Variants in MACF1 observed in about 807,000 individuals in gnomAD.
MACF1 encodes the protein microtubule actin crosslinking factor 1, also known as microtubule-actin cross-linking factor 1.
Under a neutral mutation model 854.8 loss-of-function variants are expected in MACF1, and 193 were observed. The observed-to-expected ratio is 0.23, with a 90% CI of 0.20 to 0.25. The LOEUF is 0.25. Among genes scored for constraint, MACF1 ranks in the 10% least tolerant of loss-of-function variants. MACF1 has a pLI of 1.00. For synonymous variants in MACF1, 3,185 were observed against 3,226.7 expected (o/e 0.99, Z 0.44); for missense variants, 7,722 against 8,929.1 (o/e 0.86, Z 5.45).
chr1:39,331,096 A>C, intron 36 of MACF1, 107 bp from the exon 37 acceptor site: 1 of 1,409,960 alleles, frequency 7.1e-7, no homozygotes. Context: ...TGTATACTAT[A>C]GTTCTTTGAA....
intron 60 of MACF1, 65 bp from the exon 61 acceptor site, chr1:39,423,963 T>TC (rs1643642244): frequency 8.5e-6 from 12 of 1,409,732 alleles, no homozygotes; most frequent in Non-Finnish European, 1.2e-5. Flanking sequence ...TTGTTTTTTT[T>TC]CTTTCTTCCT....
chr1:39,296,831 G>A lies in MACF1; in HGVS notation c.2356-789G>A, dbSNP rs112613856. On this transcript the variant is annotated intron_variant, in intron 20 of 100. Coordinates refer to ENST00000564288, the MANE Select transcript of MACF1 (RefSeq NM_001394062.1). The stretch of plus-strand genomic sequence containing the variant: ...GAAAGAAAGGAAGGAAGGAAGGAAG[G>A]AAGGAAGGAAGGAAAAGAAAGAAAG... Among the ~76,000 whole-genome samples, 125 of 124,616 alleles carry A rather than the reference G, an allele frequency of 1.0e-3. 1 individual carries two copies. The highest frequency in any genetic ancestry group is 2.6e-3 in the African/African-American group (92 of 35,160). 81.8% of individuals were successfully genotyped at this position (124,616 alleles called of 152,430 possible).
rs1650065446 is a variant in MACF1 at position 39,380,308 on chromosome 1, G to A, written c.13583G>A (p.Gly4528Glu). The change falls in exon 55 of 101, where the codon GGA becomes GAA. Residue 4528 changes from glycine (G) to glutamate (E), a missense_variant. Transcript: ENST00000564288. ...KIQKVKEALAGLLVTYPNSQE... is the reference protein window; with the variant it reads ...KIQKVKEALAELLVTYPNSQE... Reference sequence around the variant, plus strand: ...CAAAAAGTAAAGGAAGCCCTGGCTGGATTACTGGTGACATATCCCAACTCA... The same window carrying A: ...CAAAAAGTAAAGGAAGCCCTGGCTGAATTACTGGTGACATATCCCAACTCA... The A allele has an allele frequency of 1.2e-6, 2 of 1,613,584 alleles. No individual in the cohort carries two copies. Among genetic ancestry groups the A allele is most frequent in the Admixed American group, 1.7e-5 (1 of 59,946 alleles).
intron 58 of MACF1, chr1:39,410,506 A>G (rs769863895): frequency 6.2e-7 from 1 of 1,614,040 alleles, no homozygotes. Flanking sequence ...AGCAGCATCT[A>G]ATGTTTTTGA....
chr1:39,204,490 C>T (rs958417305), upstream of MACF1: 1 of 153,810 alleles, frequency 6.5e-6, no homozygotes, highest in African/African-American at 2.4e-5. Flanking sequence ...TTGTGGTGCT[C>T]ATACATCCTC....
chr1:39,175,590 C>CA (rs1303811530), intron 2 of MACF1, among the ~76,000 whole-genome samples: 1 of 152,160 alleles, frequency 6.6e-6, no homozygotes, highest in Non-Finnish European at 1.5e-5. Flanking sequence ...TAGTTAAATG[C>CA]AAGTATGTTG....
At chr1:39,469,340 G>T (rs550134367) in intron 96 of MACF1, among the ~76,000 whole-genome samples, 13 of 152,288 alleles carry the variant, frequency 8.5e-5, no homozygotes, top group Non-Finnish European at 1.9e-4. Flanking sequence ...CTGCAGCTAG[G>T]GGGTGTGTGG....
chr1:39,482,617 A>G (rs1368501663), intron 99 of MACF1, among the ~76,000 whole-genome samples: 1 of 151,886 alleles, frequency 6.6e-6, no homozygotes, highest in African/African-American at 2.4e-5. Context: ...TCAACATGGC[A>G]AAACCCCATC....
chr1:39,256,461 T>A (rs1645097575), intron 5 of MACF1, among the ~76,000 whole-genome samples: 1 of 151,992 alleles, frequency 6.6e-6, no homozygotes, highest in Non-Finnish European at 1.5e-5. Flanking sequence ...AAGGGAGAAA[T>A]GAGGCCTCCA....
chr1:39,284,141 C>A lies in MACF1; in HGVS notation c.991C>A (p.Leu331Met), dbSNP rs1370971787. The A allele has an allele frequency of 1.2e-6, 2 of 1,613,888 alleles. No homozygotes were observed. The highest frequency in any genetic ancestry group is 2.2e-5 in the South Asian group (2 of 91,004). ...LIPWIKQHTI[L>M]MSDKTFPQNP... ...TCCCTGGATCAAACAGCATACAATA[C>A]TGATGTCAGATAAAACTTTTCCCCA... Residue 331 changes from leucine to methionine, a missense_variant, in exon 10 of 101, where the codon CTG becomes ATG. Around this residue, in one of 15 missense-constraint regions of MACF1, gnomAD observed 97 missense variants for 130.4 expected, o/e 0.74. Transcript: ENST00000564288.
rs1234095302 is a variant in MACF1, at chr1:39,314,567, TCTCACACACA to T, written c.3271-944_3271-935del. Among the ~76,000 whole-genome samples, 158 of 115,256 alleles carry T rather than the reference TCTCACACACA, an allele frequency of 1.4e-3. 1 individual carries two copies. The highest frequency in any genetic ancestry group is 2.8e-3 in the East Asian group (11 of 3,948). 75.6% of individuals were successfully genotyped at this position (115,256 alleles called of 152,430 possible). ...TTCTCTTTCTCTCTCTCTCTCTCTC[TCTCACACACA>T]CACACACACACACACACACACACAC... On this transcript the variant is annotated intron_variant, in intron 26 of 100. Coordinates refer to ENST00000564288, the MANE Select transcript of MACF1 (RefSeq NM_001394062.1).
At chr1:39,405,435 G>A (rs1216137351) in intron 58 of MACF1, among the ~76,000 whole-genome samples, 1 of 152,234 alleles carries the variant, frequency 6.6e-6, no homozygotes, top group African/African-American at 2.4e-5. Flanking sequence ...CCATCAAGGT[G>A]GGTGATAAGG....
Position 39,334,009 on chromosome 1 carries a change from G to A in MACF1, c.7421G>A (p.Ser2474Asn). The A allele has an allele frequency of 2.5e-6, 4 of 1,614,206 alleles. No individual in the cohort carries two copies. Among genetic ancestry groups the A allele is most frequent in the Non-Finnish European group, 3.4e-6 (4 of 1,180,036 alleles). The change falls in exon 37 of 101, where the codon AGT (serine) becomes AAT (asparagine). Residue 2474 changes from serine (S) to asparagine (N), a missense_variant. Ser to Asn is a conservative substitution (Grantham distance 46). Around this residue, in one of 15 missense-constraint regions of MACF1, gnomAD observed 1,531 missense variants for 1,601.6 expected, o/e 0.96. Transcript: ENST00000564288. ...ACAACAGGACTTATAGACCCTGATA[G>A]TAAAGCACCTTTAACAGTTGTGCAG... ...METTGLIDPD[S>N]KAPLTVVQSI...
At chr1:39,318,827 T>C (rs1646460810) in intron 30 of MACF1, among the ~76,000 whole-genome samples, 1 of 152,214 alleles carries the variant, frequency 6.6e-6, no homozygotes, top group Non-Finnish European at 1.5e-5. Flanking sequence ...TGAGTTTCTG[T>C]AACTGTATTG....
At chr1:39,239,137 T>C (rs189658879) in intron 2 of MACF1, among the ~76,000 whole-genome samples, 2 of 152,250 alleles carry the variant, frequency 1.3e-5, no homozygotes, top group African/African-American at 4.8e-5. Context: ...AAAAATTAGC[T>C]GGGAGTGGTG....
rs749627942 is a variant in MACF1 at position 39,335,413 on chromosome 1, T to G, written c.8825T>G (p.Val2942Gly). Residue 2942 changes from valine (V) to glycine (G), a missense_variant, in exon 37 of 101, where the codon GTG becomes GGG. By Grantham distance (109) the Val-to-Gly change is moderately radical (BLOSUM62 -3). Transcript: ENST00000564288. ...SEEIRENQGE[V>G]ILEVQETYCE... ...GAAATAAGAGAAAATCAAGGGGAAGTGATTTTGGAAGTACAAGAAACATAT... is the reference window on the plus strand; with the variant it reads ...GAAATAAGAGAAAATCAAGGGGAAGGGATTTTGGAAGTACAAGAAACATAT... 3.1e-6 allele frequency: 5 copies of G among 1,613,976 alleles called. No individual in the cohort carries two copies. Among genetic ancestry groups the G allele is most frequent in the Non-Finnish European group, 4.2e-6 (5 of 1,180,032 alleles).
intron 5 of MACF1, among the ~76,000 whole-genome samples, chr1:39,257,223 C>T (rs754053921): frequency 9.2e-5 from 14 of 152,244 alleles, no homozygotes; most frequent in Middle Eastern, 3.4e-3. Flanking sequence ...TACTACTCAG[C>T]GATCAAAAGG....
intron 2 of MACF1, among the ~76,000 whole-genome samples, chr1:39,093,969 G>A (rs1318624500): frequency 1.3e-5 from 2 of 151,864 alleles, no homozygotes; most frequent in East Asian, 3.9e-4. Context: ...AGTAGAAATG[G>A]GGTTTCACCG....
intron 2 of MACF1, among the ~76,000 whole-genome samples, chr1:39,114,540 A>G (rs1642498871): frequency 6.6e-6 from 1 of 152,026 alleles, no homozygotes; most frequent in Admixed American, 6.6e-5. Context: ...ACAGTGAGCT[A>G]TGATCACGCC....
Sources: allele counts gnomAD v4.1 joint callset (sites outside exome capture counted in the v4.1 genomes callset), GRCh38; gene constraint gnomAD v4.1.1; regional missense constraint gnomAD v4.1.1; transcripts MANE v1.5; gene names NCBI Gene and HGNC (gene_info 2026-07-23, HGNC 2026-07-21).